Variants in DNM3 observed in about 807,000 individuals in gnomAD.
DNM3 encodes dynamin 3, also known as dynamin-3.
In DNM3, 47 loss-of-function variants were observed where a neutral mutation model predicts 101.6. The observed-to-expected ratio is 0.46, with a 90% CI of 0.37 to 0.59. The LOEUF (loss-of-function observed/expected upper bound fraction) is 0.59, where lower values mean the gene tolerates loss of function less well. Among genes scored for constraint, DNM3 ranks in the 20% least tolerant of loss-of-function variants. The probability of loss-of-function intolerance (pLI) is 0.00; values close to 1 mark genes in which losing one functional copy is unlikely to be tolerated. For missense variants in DNM3, 849 were observed against 1,085.7 expected (o/e 0.78, Z 3.06); for synonymous variants, 385 against 387.9 (o/e 0.99, Z 0.09).
chr1:172,059,983 G>A (rs1230286459), intron 10 of DNM3, among the ~76,000 whole-genome samples: 2 of 150,532 alleles, frequency 1.3e-5, no homozygotes, highest in African/African-American at 2.5e-5. Context: ...AAGCTGATAA[G>A]CAACTTCAGC....
intron 14 of DNM3, among the ~76,000 whole-genome samples, chr1:172,209,591 G>T (rs576577995): frequency 2.0e-5 from 3 of 152,130 alleles, no homozygotes; most frequent in African/African-American, 4.8e-5. Context: ...GCAAGGAGAA[G>T]ACTCTTCCAT....
intron 15 of DNM3, among the ~76,000 whole-genome samples, chr1:172,304,222 A>AAAAAAAAAAAAAAAAAAAAAAAAAAAAAC (rs745651671): frequency 1.6e-5 from 2 of 128,936 alleles, no homozygotes; most frequent in Non-Finnish European, 3.2e-5. Context: ...AAAAAAAAAA[A>AAAAAAAAAAAAAAAAAAAAAAAAAAAAAC]CAGGAGTTGC....
intron 1 of DNM3, among the ~76,000 whole-genome samples, chr1:171,915,459 A>G (rs771012886): frequency 6.6e-6 from 1 of 152,190 alleles, no homozygotes; most frequent in African/African-American, 2.4e-5. Flanking sequence ...TTTAAGAGAT[A>G]TTAAGATAGA....
At chr1:172,367,904 TC>T in intron 17 of DNM3, among the ~76,000 whole-genome samples, 1 of 151,896 alleles carries the variant, frequency 6.6e-6, no homozygotes, top group Non-Finnish European at 1.5e-5. Context: ...GGGGGTGGTT[TC>T]CCCCATGCTA....
At chr1:171,944,321 T>G (rs1289141026) in intron 2 of DNM3, among the ~76,000 whole-genome samples, 1 of 151,990 alleles carries the variant, frequency 6.6e-6, no homozygotes, top group Non-Finnish European at 1.5e-5. Flanking sequence ...GGCCATATTT[T>G]GCCAACTTTT....
chr1:172,038,490 G>A (rs961346765), intron 7 of DNM3, 29 bp downstream of exon 7: 17 of 1,602,270 alleles, frequency 1.1e-5, no homozygotes, highest in Middle Eastern at 1.7e-4. Context: ...CCTTGGCTCA[G>A]CATTTTAATC....
intron 14 of DNM3, among the ~76,000 whole-genome samples, chr1:172,175,608 G>A (rs1050344979): frequency 6.6e-6 from 1 of 151,730 alleles, no homozygotes; most frequent in Non-Finnish European, 1.5e-5. Flanking sequence ...ATAAGAAACT[G>A]GAGGAAGGAG....
At chr1:172,275,554 C>T (rs912691785) in intron 15 of DNM3, among the ~76,000 whole-genome samples, 4 of 152,018 alleles carry the variant, frequency 2.6e-5, no homozygotes, top group Non-Finnish European at 4.4e-5. Flanking sequence ...ACCTTACCTG[C>T]TAACTTCTGT....
intron 17 of DNM3, among the ~76,000 whole-genome samples, chr1:172,325,345 AG>A (rs1321471108): frequency 2.0e-5 from 3 of 152,158 alleles, no homozygotes; most frequent in Admixed American, 2.0e-4. Context: ...TTAGTTGAAG[AG>A]TATCAAAGAT....
chr1:171,973,325 A>T (rs2044148273), intron 2 of DNM3, among the ~76,000 whole-genome samples: 2 of 152,268 alleles, frequency 1.3e-5, no homozygotes, highest in South Asian at 4.1e-4. Flanking sequence ...TACCTGTGTA[A>T]CCTCAGGCAA....
chr1:172,359,806 G>T (rs1053719290), intron 17 of DNM3, among the ~76,000 whole-genome samples: 2 of 151,862 alleles, frequency 1.3e-5, no homozygotes, highest in South Asian at 2.1e-4. Flanking sequence ...AATTTTCTGC[G>T]GCTCTTTTCC....
At chr1:171,924,823 G>A (rs1197102701) in intron 2 of DNM3, among the ~76,000 whole-genome samples, 1 of 152,130 alleles carries the variant, frequency 6.6e-6, no homozygotes, top group Non-Finnish European at 1.5e-5. Flanking sequence ...ATGATGTTGA[G>A]CATTGTTTTC....
intron 14 of DNM3, among the ~76,000 whole-genome samples, chr1:172,226,816 G>A (rs2061140192): frequency 6.6e-6 from 1 of 152,076 alleles, no homozygotes. Context: ...ATGTCCATTT[G>A]TGAAAGCATT....
At chr1:171,937,408 G>T (rs2041510823) in intron 2 of DNM3, among the ~76,000 whole-genome samples, 2 of 152,018 alleles carry the variant, frequency 1.3e-5, no homozygotes, top group African/African-American at 4.8e-5. Context: ...TAAAGTGCAG[G>T]TTACAGAATT....
intron 14 of DNM3, among the ~76,000 whole-genome samples, chr1:172,252,611 A>G (rs1007813879): frequency 3.9e-5 from 6 of 152,136 alleles, no homozygotes; most frequent in Non-Finnish European, 7.4e-5. Context: ...GGGACCATAC[A>G]GAGGACCATG....
chr1:172,109,126 G>C (rs937623397), intron 13 of DNM3, among the ~76,000 whole-genome samples: 1 of 152,032 alleles, frequency 6.6e-6, no homozygotes, highest in African/African-American at 2.4e-5. Context: ...AAGAAAGTAC[G>C]ATTATAACAA....
intron 18 of DNM3, 191 bp from the exon 19 acceptor site, chr1:172,386,942 G>A (rs1459938894): frequency 1.8e-6 from 1 of 547,536 alleles, no homozygotes; most frequent in Non-Finnish European, 3.3e-6. Flanking sequence ...GAGGGAAACT[G>A]TTACTGTCAC....
chr1:172,325,915 C>CT (rs2065919014), intron 17 of DNM3, among the ~76,000 whole-genome samples: 2 of 152,198 alleles, frequency 1.3e-5, no homozygotes, highest in African/African-American at 4.8e-5. Flanking sequence ...ACAGATTCAT[C>CT]TTTCCACATA....
At chr1:172,083,621 C>T (rs780466993) in intron 12 of DNM3, among the ~76,000 whole-genome samples, 6 of 152,102 alleles carry the variant, frequency 3.9e-5, no homozygotes, top group African/African-American at 7.2e-5. Flanking sequence ...AAGTCATAAT[C>T]CATTTAGAAA....
Sources: allele counts gnomAD v4.1 joint callset (sites outside exome capture counted in the v4.1 genomes callset), GRCh38; gene constraint gnomAD v4.1.1; transcripts MANE v1.5; gene names NCBI Gene and HGNC (gene_info 2026-07-23, HGNC 2026-07-21).